FKBP11: variants seen among roughly 807,000 people sequenced by gnomAD.
The protein encoded by FKBP11 is FKBP prolyl isomerase 11.
FKBP11 carries 21 observed loss-of-function variants against 24.7 expected under a neutral mutation model. The observed-to-expected ratio is 0.85, with a 90% CI of 0.60 to 1.23. The LOEUF is 1.23. Ranked by LOEUF, FKBP11 falls within the 50% of genes most tolerant of loss-of-function variation. The pLI, the probability that FKBP11 is intolerant of heterozygous loss-of-function variation, is 0.00. For synonymous variants in FKBP11, 106 were observed against 100.6 expected (o/e 1.05, Z -0.32); for missense variants, 245 against 248.7 (o/e 0.99, Z 0.10).
the FKBP11 span, chr12:48,931,718 T>C: frequency 2.0e-6 from 1 of 492,442 alleles, no homozygotes; most frequent in Non-Finnish European, 3.6e-6. Flanking sequence ...TTCATCCATT[T>C]GTTCATCAAG....
intron 2 of FKBP11, 24 bp downstream of exon 2, chr12:48,925,012 CCCAGGCCCCG>C: frequency 9.3e-6 from 14 of 1,503,326 alleles, no homozygotes; most frequent in East Asian, 2.3e-5. Context: ...GCCGCCCCCT[CCCAGGCCCCG>C]CCCCGGCCCC....
At chr12:48,922,781 C>T (rs1939864582) in intron 5 of FKBP11, 12 of 1,003,546 alleles carry the variant, frequency 1.2e-5, no homozygotes, top group Non-Finnish European at 1.4e-5. Context: ...GGTAATAGGG[C>T]TTTGGGTAAA....
upstream of FKBP11, among the ~76,000 whole-genome samples, chr12:48,930,468 A>T (rs1940033939): frequency 6.6e-6 from 1 of 152,210 alleles, no homozygotes; most frequent in Admixed American, 6.5e-5. Context: ...CTTTGGTTAT[A>T]ATTTTTTTCC....
At chr12:48,932,991 G>A in the FKBP11 span, among the ~76,000 whole-genome samples, 49,728 of 151,988 alleles carry the variant, frequency 0.33, 9,148 homozygotes, top group Admixed American at 0.47. Flanking sequence ...CTCAGAAGCC[G>A]GAAGTGCTCC....
intron 4 of FKBP11, 40 bp from the exon 5 acceptor site, chr12:48,923,892 G>A: frequency 2.5e-6 from 4 of 1,592,136 alleles, no homozygotes; most frequent in Admixed American, 1.7e-5. Context: ...AGGCAGGAGA[G>A]GTAGGCCAGC....
chr12:48,926,516 GA>G (rs1939968151), upstream of FKBP11: 1 of 100,458 alleles, frequency 1.0e-5, no homozygotes, highest in African/African-American at 3.1e-5. Flanking sequence ...TGAGCCACCA[GA>G]TTTCTTTTTT....
At chr12:48,925,015 A>AC in intron 2 of FKBP11, 31 bp downstream of exon 2, 35 of 1,024,868 alleles carry the variant, frequency 3.4e-5, no homozygotes, top group Non-Finnish European at 4.2e-5. Context: ...GCCCCCTCCC[A>AC]GGCCCCGCCC....
chr12:48,922,036 A>G lies in FKBP11; in HGVS notation c.554T>C (p.Val185Ala). 1 of 1,612,474 alleles carries G rather than the reference A, an allele frequency of 6.2e-7. No individual in the cohort carries two copies. The highest frequency in any genetic ancestry group is 8.5e-7 in the Non-Finnish European group (1 of 1,179,266). ...HLYRKANRPK[V>A]SKKKLKEEKR... is the part of the protein sequence containing the mutation. ...CTCTTCCTTGAGCTTCTTTTTGGAG[A>G]CTTTGGGTCTATTGGCCTTTCTGTA... Residue 185 changes from valine to alanine, a missense_variant, in exon 6 of 6, where the codon GTC (valine) becomes GCC (alanine). Transcript: ENST00000550765.
chr12:48,931,618 T>C, the FKBP11 span: 17 of 713,872 alleles, frequency 2.4e-5, no homozygotes, highest in Non-Finnish European at 3.4e-5. Flanking sequence ...TGTCAGTGTG[T>C]AGGAGAAACC....
the FKBP11 span, among the ~76,000 whole-genome samples, chr12:48,934,514 C>CA: frequency 6.6e-6 from 1 of 152,184 alleles, no homozygotes; most frequent in East Asian, 1.9e-4. Context: ...TGGAAGGCTT[C>CA]AGCAACTGCC....
In FKBP11 at chr12:48,921,986, A is replaced by C. The variant is rs1939845457; in HGVS notation, c.604T>G (p.Ter202GluextTer1). ...EEKRNKSKKK[*>E] ...AGTTTTTTAAAATTTATTATTTATT[A>C]TTTCTTTTTGCTCTTGTTTCGTTTC... is the stretch of plus-strand genomic sequence containing the variant. The change falls in exon 6 of 6, where the codon TAA becomes GAA. Residue 202 changes from the stop codon to glutamate (E), a stop_lost. Transcript: ENST00000550765. 6.3e-7 allele frequency: 1 copy of C among 1,581,012 alleles called. No homozygotes were observed. Among genetic ancestry groups the C allele is most frequent in the African/African-American group, 1.4e-5 (1 of 73,278 alleles).
In FKBP11 at chr12:48,922,598, T is replaced by TA. The variant is rs1181651630; in HGVS notation, c.389-398dup. On this transcript the variant is annotated intron_variant, in intron 5 of 5. Transcript: ENST00000550765. ...AATTAAATGGATTTAAACTAGACTT[T>TA]AAAAAATCAACCAACCAATGAGCAC... 7 of 997,510 alleles carry TA rather than the reference T, an allele frequency of 7.0e-6. No individual in the cohort carries two copies. The Admixed American group carries it at 1.7e-4, about 24-fold the overall frequency. 61.8% of individuals were successfully genotyped at this position (997,510 alleles called of 1,614,324 possible). A position where few individuals can be genotyped will look rare whatever the true frequency, so the allele number is the denominator to read the frequency against.
the FKBP11 span, among the ~76,000 whole-genome samples, chr12:48,932,233 A>G: frequency 3.8e-4 from 9 of 23,430 alleles, no homozygotes; most frequent in African/African-American, 1.6e-3. Flanking sequence ...ATATTTATAT[A>G]TATATATATA....
At chr12:48,923,926 T>G in intron 4 of FKBP11, 74 bp from the exon 5 acceptor site, 1 of 1,437,854 alleles carries the variant, frequency 7.0e-7, no homozygotes, top group Non-Finnish European at 9.8e-7. Context: ...CTGAAGCTCC[T>G]TCAGCAAAAC....
chr12:48,938,525 A>G, the FKBP11 span: 1 of 453,540 alleles, frequency 2.2e-6, no homozygotes, highest in South Asian at 1.6e-5. Context: ...ATTTCCATGT[A>G]AAACAGGGAG....
Position 48,925,061 on chromosome 12 carries a change from A to T in FKBP11, c.180T>A (p.Leu60=). Residue 60 remains leucine, a synonymous_variant, in exon 2 of 6, where the codon CTT becomes CTA. Transcript: ENST00000550765. ...CAEPAAFGDT[L]HIHYTGSLVD... is the part of the protein sequence containing the mutation. The stretch of plus-strand genomic sequence containing the variant: ...GACCCCTCACCGTGTAGTGTATGTG[A>T]AGCGTGTCTCCAAAAGCAGCGGGCT... 6.6e-7 allele frequency: 1 copy of T among 1,512,156 alleles called. No individual in the cohort carries two copies. Among genetic ancestry groups the T allele is most frequent in the East Asian group, 2.7e-5 (1 of 37,502 alleles). 93.7% of individuals were successfully genotyped at this position (1,512,156 alleles called of 1,614,324 possible). A position where few individuals can be genotyped will look rare whatever the true frequency, so the allele number is the denominator to read the frequency against.
At chr12:48,923,980 C>T (rs1939894556) in intron 4 of FKBP11, 128 bp from the exon 5 acceptor site, 1 of 1,014,132 alleles carries the variant, frequency 9.9e-7, no homozygotes. Flanking sequence ...TCCACCTGAA[C>T]ACCAAACAGG....
At chr12:48,926,045 G>A (rs2137559984), upstream of FKBP11, 1 of 153,372 alleles carries the variant, frequency 6.5e-6, no homozygotes, top group East Asian at 1.9e-4. Context: ...CCGAAATAAG[G>A]CAGGGGGCTG....
chr12:48,925,754 C>T, upstream of FKBP11: 1 of 350,180 alleles, frequency 2.9e-6, no homozygotes, highest in Non-Finnish European at 5.3e-6. Flanking sequence ...GTCTCTAATC[C>T]TCAAAACCAC....
Sources: gnomAD v4.1 joint callset for allele counts (sites outside exome capture counted in the v4.1 genomes callset) on GRCh38, gnomAD v4.1.1 for gene constraint, MANE v1.5 for transcripts, NCBI Gene and HGNC (gene_info 2026-07-23, HGNC 2026-07-21) for gene names.